The following IRS2 variants were observed in gnomAD, a reference collection of about 807,000 sequenced individuals.
The protein encoded by IRS2 is insulin receptor substrate 2.
IRS2 carries 28 observed loss-of-function variants against 70.9 expected under a neutral mutation model. The observed-to-expected ratio is 0.39, with a 90% CI of 0.29 to 0.54. The LOEUF (loss-of-function observed/expected upper bound fraction) is 0.54, where lower values mean the gene tolerates loss of function less well. Ranked by LOEUF, IRS2 falls within the 20% of genes least tolerant of loss-of-function variation. The pLI is 0.59. For synonymous variants in IRS2, 1,217 were observed against 981.9 expected, an observed-to-expected ratio of 1.24 and a Z score of -4.48; for missense variants, 2,081 against 2,024.1, an observed-to-expected ratio of 1.03 and a Z score of -0.54.
intron 1 of IRS2, among the ~76,000 whole-genome samples, chr13:109,768,279 C>A (rs1877379071): frequency 6.6e-6 from 1 of 152,184 alleles, no homozygotes; most frequent in Non-Finnish European, 1.5e-5. Context: ...TGAAGATAGA[C>A]CTAAATGCTC....
In IRS2 at chr13:109,784,450, C is replaced by T. The variant is rs2138935811; in HGVS notation, c.1604G>A (p.Gly535Asp). Residue 535 changes from glycine to aspartate, a missense_variant, in exon 1 of 2, where the codon GGC (glycine) becomes GAC (aspartate). This residue lies in a region of IRS2 where 1,615 missense variants were observed against 1,459.5 expected (regional missense o/e 1.11). Transcript: ENST00000375856. The surrounding 1 kb of genome is among the most constrained non-coding windows in gnomAD (Gnocchi z 5.2). Reference sequence around the variant, plus strand: ...CATGTACCCGTAGAACTCACCGCCGCCGCCGCCGTCTCGGGCCGGGGGCGT... The same window carrying T: ...CATGTACCCGTAGAACTCACCGCCGTCGCCGCCGTCTCGGGCCGGGGGCGT... ...AETPPARDGG[G>D]GGEFYGYMTM... 2 of 1,584,874 alleles carry T rather than the reference C, an allele frequency of 1.3e-6. No individual in the cohort carries two copies. Among genetic ancestry groups the T allele is most frequent in the Non-Finnish European group, 1.7e-6 (2 of 1,162,212 alleles).
chr13:109,783,014 A>G lies in IRS2; in HGVS notation c.3040T>C (p.Tyr1014His), dbSNP rs2138931432. ...GLLSPEASSP[Y>H]PPLPPRPSAS... ...GACGGACGCGGGGGCAACGGCGGAT[A>G]CGGGGAGGAGGCCTCGGGGGACAGG... Residue 1014 changes from tyrosine to histidine, a missense_variant, in exon 1 of 2, where the codon TAT (tyrosine) becomes CAT (histidine). Around this residue, in one of 4 missense-constraint regions of IRS2, gnomAD observed 1,615 missense variants for 1,459.5 expected, o/e 1.11. Coordinates refer to ENST00000375856, the MANE Select transcript of IRS2 (RefSeq NM_003749.3). 1 of 1,362,924 alleles carries G rather than the reference A, an allele frequency of 7.3e-7. No individual in the cohort carries two copies. Among genetic ancestry groups the G allele is most frequent in the East Asian group, 3.0e-5 (1 of 33,412 alleles). 84.4% of individuals were successfully genotyped at this position (1,362,924 alleles called of 1,614,324 possible).
chr13:109,755,467 T>G lies in IRS2; in HGVS notation c.*837A>C. The G allele has an allele frequency of 4.6e-6, 1 of 219,558 alleles. No homozygotes were observed. The allele number at this position is 219,558 out of a possible 1,614,324, so 13.6% of individuals were successfully genotyped here. ...TGAAGTACCTACATAAACATCTACA[T>G]CGAGAAGATTAAACAAGTCTGTTAA... On this transcript the variant is annotated 3_prime_UTR_variant, in exon 2 of 2. Transcript: ENST00000375856.
rs888681501 is a variant in IRS2 at position 109,785,634 on chromosome 13, G to C, written c.420C>G (p.Thr140=). The C allele has an allele frequency of 1.9e-6, 3 of 1,541,190 alleles. No homozygotes were observed. Among genetic ancestry groups the C allele is most frequent in the South Asian group, 1.2e-5 (1 of 84,232 alleles). The part of the protein sequence containing the change: ...QEQEGWYRAL[T]DLVSEGRAAA... ...CCGCGCGGCCCTCGCTGACCAGGTC[G>C]GTGAGCGCGCGGTACCAGCCCTCCT... The change falls in exon 1 of 2, where the codon ACC becomes ACG. Residue 140 remains threonine (T), a synonymous_variant. Coordinates refer to ENST00000375856, the MANE Select transcript of IRS2 (RefSeq NM_003749.3). This position sits in a 1 kb window ranked among gnomAD's most constrained non-coding sequence, Gnocchi z 9.3.
chr13:109,785,973 G>A lies in IRS2; in HGVS notation c.81C>T (p.Asn27=), dbSNP rs1034202632. Residue 27 remains asparagine, a synonymous_variant, in exon 1 of 2, where the codon AAC becomes AAT. Transcript: ENST00000375856. The surrounding 1 kb of genome is among the most constrained non-coding windows in gnomAD (Gnocchi z 9.3). ...GPNLNNNNNN[N]NHSVRKCGYL... Reference sequence around the variant, plus strand: ...AGCCGCACTTGCGCACGCTGTGGTTGTTGTTGTTGTTGTTGTTGTTGAGGT... The same window carrying A: ...AGCCGCACTTGCGCACGCTGTGGTTATTGTTGTTGTTGTTGTTGTTGAGGT... 2.7e-6 allele frequency: 4 copies of A among 1,482,668 alleles called. No individual in the cohort carries two copies. The African/African-American group carries it at 5.9e-5, about 22-fold the overall frequency. The allele number at this position is 1,482,668 out of a possible 1,614,324, so 91.8% of individuals were successfully genotyped here.
In IRS2 at chr13:109,784,057, C is replaced by G; in HGVS notation, c.1997G>C (p.Gly666Ala). 1 of 1,555,238 alleles carries G rather than the reference C, an allele frequency of 6.4e-7. No individual in the cohort carries two copies. The change falls in exon 1 of 2, where the codon GGG becomes GCG. Residue 666 changes from glycine to alanine, a missense_variant. Coordinates refer to ENST00000375856, the MANE Select transcript of IRS2 (RefSeq NM_003749.3). The surrounding 1 kb of genome is among the most constrained non-coding windows in gnomAD (Gnocchi z 5.2). ...MTPGAALAGS[G>A]SGSCRSDDYM... ...GTCGTCGCTCCTGCAGCTGCCGCTC[C>G]CACTGCCCGCGAGGGCCGCGCCGGG...
At chr13:109,775,799 C>CAG (rs1438631876) in intron 1 of IRS2, among the ~76,000 whole-genome samples, 1 of 148,788 alleles carries the variant, frequency 6.7e-6, no homozygotes, top group Non-Finnish European at 1.5e-5. Context: ...CACACACACA[C>CAG]CAGCCCCAAA....
At chr13:109,765,349 T>G (rs1877312056) in intron 1 of IRS2, among the ~76,000 whole-genome samples, 1 of 152,176 alleles carries the variant, frequency 6.6e-6, no homozygotes, top group African/African-American at 2.4e-5. Flanking sequence ...TGATCACCAG[T>G]CCTTGCCCAA....
In IRS2 at chr13:109,785,718, C is replaced by G. The variant is rs1334119460; in HGVS notation, c.336G>C (p.Leu112=). Residue 112 remains leucine (L), a synonymous_variant, in exon 1 of 2, where the codon CTG becomes CTC. Coordinates refer to ENST00000375856, the MANE Select transcript of IRS2 (RefSeq NM_003749.3). This position sits in a 1 kb window ranked among gnomAD's most constrained non-coding sequence, Gnocchi z 9.3. ...NKRADAKHKY[L]IALYTKDEYF... ...ACTCGTCCTTGGTGTAGAGGGCGAT[C>G]AGGTACTTGTGCTTGGCGTCGGCGC... is the stretch of plus-strand genomic sequence containing the variant. The G allele has an allele frequency of 1.2e-6, 2 of 1,600,424 alleles. No homozygotes were observed. The highest frequency in any genetic ancestry group is 4.5e-5 in the East Asian group (2 of 44,670).
intron 1 of IRS2, among the ~76,000 whole-genome samples, chr13:109,775,942 G>C (rs1414537041): frequency 2.6e-5 from 4 of 152,276 alleles, no homozygotes; most frequent in Non-Finnish European, 5.9e-5. Flanking sequence ...GGGGTCAGGA[G>C]ATCGAGACCA....
rs1877039750 is a variant in IRS2, at chr13:109,753,556, T to C, written c.*2748A>G. On this transcript the variant is annotated 3_prime_UTR_variant, in exon 2 of 2. Coordinates refer to ENST00000375856, the MANE Select transcript of IRS2 (RefSeq NM_003749.3). ...AGATTGTCATGAGCTATCAAGAAGT[T>C]AATATTTGTTATGTATTTAGAATGG... The C allele has an allele frequency of 6.4e-6, 1 of 155,238 alleles. No individual in the cohort carries two copies. Among genetic ancestry groups the C allele is most frequent in the South Asian group, 2.1e-4 (1 of 4,858 alleles). The allele number at this position is 155,238 out of a possible 1,614,324, so 9.6% of individuals were successfully genotyped here.
At chr13:109,766,828 C>A (rs1173176284) in intron 1 of IRS2, among the ~76,000 whole-genome samples, 1 of 152,246 alleles carries the variant, frequency 6.6e-6, no homozygotes, top group Admixed American at 6.5e-5. Context: ...GACTCCCCTG[C>A]ATGTGACCCA....
At chr13:109,759,770 G>A (rs980730334) in intron 1 of IRS2, among the ~76,000 whole-genome samples, 2 of 152,048 alleles carry the variant, frequency 1.3e-5, no homozygotes, top group Non-Finnish European at 2.9e-5. Context: ...GCTCTCTGTA[G>A]TTCACACACA....
chr13:109,761,634 G>A (rs1409116115), intron 1 of IRS2, among the ~76,000 whole-genome samples: 2 of 149,356 alleles, frequency 1.3e-5, no homozygotes, highest in Non-Finnish European at 3.0e-5. Flanking sequence ...AAAAGCCAGA[G>A]ATTCTAGGAA....
At position 109,785,564 on chromosome 13, in the gene IRS2, T is replaced by A. The variant is rs1877894485; in HGVS notation, c.490A>T (p.Ser164Cys). ...PPAAAPAASC[S>C]ASLPGALGGS... ...CCCAGGGCGCCGGGCAGGGAGGCGC[T>A]GCAGGACGCGGCGGGCGCGGCGGCG... Residue 164 changes from serine (S) to cysteine (C), a missense_variant, in exon 1 of 2, where the codon AGC becomes TGC. Ser to Cys is a moderately radical substitution (Grantham distance 112). Transcript: ENST00000375856. This position sits in a 1 kb window ranked among gnomAD's most constrained non-coding sequence, Gnocchi z 9.3. 1.5e-6 allele frequency: 2 copies of A among 1,345,830 alleles called. No homozygotes were observed. 83.4% of individuals were successfully genotyped at this position (1,345,830 alleles called of 1,614,324 possible). A position where few individuals can be genotyped will look rare whatever the true frequency, so the allele number is the denominator to read the frequency against.
intron 1 of IRS2, among the ~76,000 whole-genome samples, chr13:109,772,679 G>A (rs1403042352): frequency 7.0e-6 from 1 of 143,546 alleles, no homozygotes; most frequent in Non-Finnish European, 1.5e-5. Flanking sequence ...CCACAGATTT[G>A]CCTATTACAT....
chr13:109,773,451 G>A (rs1431108385), intron 1 of IRS2, among the ~76,000 whole-genome samples: 1 of 152,226 alleles, frequency 6.6e-6, no homozygotes, highest in Non-Finnish European at 1.5e-5. Flanking sequence ...ACAGAGAGCA[G>A]TGACCGAATG....
At chr13:109,763,344 C>A (rs998371239) in intron 1 of IRS2, among the ~76,000 whole-genome samples, 2 of 152,154 alleles carry the variant, frequency 1.3e-5, no homozygotes, top group African/African-American at 4.8e-5. Flanking sequence ...TGTTACAGAC[C>A]CTACTGAAAA....
rs2138929044 is a variant in IRS2 at position 109,782,189 on chromosome 13, T to C, written c.3865A>G (p.Ser1289Gly). The C allele has an allele frequency of 6.2e-7, 1 of 1,605,490 alleles. No homozygotes were observed. Among genetic ancestry groups the C allele is most frequent in the Non-Finnish European group, 8.5e-7 (1 of 1,176,218 alleles). ...GDKSSWGRTRSLGGLISAVGV... is the reference protein window; with the variant it reads ...GDKSSWGRTRGLGGLISAVGV... ...ACAGCGCTGATGAGACCCCCGAGGCTTCGGGTCCGGCCCCAGGAGCTCTTG... is the reference window on the plus strand; with the variant it reads ...ACAGCGCTGATGAGACCCCCGAGGCCTCGGGTCCGGCCCCAGGAGCTCTTG... The change falls in exon 1 of 2, where the codon AGC becomes GGC. Residue 1289 changes from serine (S) to glycine (G), a missense_variant. Around this residue, in one of 4 missense-constraint regions of IRS2, gnomAD observed 1,615 missense variants for 1,459.5 expected, o/e 1.11. Transcript: ENST00000375856.
Sources: gnomAD v4.1 joint callset for allele counts (sites outside exome capture counted in the v4.1 genomes callset) on GRCh38, gnomAD v4.1.1 for gene constraint, gnomAD v4.1.1 regional missense constraint, Gnocchi (gnomAD v3.1) non-coding constraint, MANE v1.5 for transcripts, NCBI Gene and HGNC (gene_info 2026-07-23, HGNC 2026-07-21) for gene names.